Variants in GPX1 observed in about 807,000 individuals in gnomAD.
The protein encoded by GPX1 is glutathione peroxidase 1.
A neutral mutation model predicts 11.5 loss-of-function variants in GPX1; 8 were observed. The ratio of observed to expected loss-of-function variants is 0.70; its 90% CI spans 0.41 to 1.25. The LOEUF is 1.25. Ranked by LOEUF, GPX1 falls within the 50% of genes most tolerant of loss-of-function variation. GPX1 has a pLI of 0.01. For missense variants in GPX1, 266 were observed against 284.3 expected, an observed-to-expected ratio of 0.94 and a Z score of 0.46; for synonymous variants, 142 against 127.8, an observed-to-expected ratio of 1.11 and a Z score of -0.75.
rs757629376 is a variant in GPX1, at chr3:49,357,338, C to G, written c.*50G>C. 4 of 1,557,998 alleles carry G rather than the reference C, an allele frequency of 2.6e-6. No individual in the cohort carries two copies. The highest frequency in any genetic ancestry group is 2.1e-4 in the Middle Eastern group (1 of 4,868). On this transcript the variant is annotated 3_prime_UTR_variant, in exon 2 of 2. Transcript: ENST00000419783. ...AACACCCTCATAGATGAAAACCCCC[C>G]CGAGACAGCAGCACTGCAACTGCCA...
At chr3:49,357,990 C>G (rs767209683) in intron 1 of GPX1, 37 bp downstream of exon 1, 5 of 1,576,538 alleles carry the variant, frequency 3.2e-6, no homozygotes, top group Non-Finnish European at 4.3e-6. Context: ...CACTACTGCA[C>G]GTCCGCCCCC....
Position 49,357,690 on chromosome 3 carries a change from CACCACCAGGCCGGACGTACTTG to C in GPX1, c.288_309del (p.Lys97GlyfsTer?). On this transcript the variant is annotated frameshift_variant, in exon 2 of 2. Transcript: ENST00000419783. LOFTEE classifies it high-confidence loss of function. ...AAGAGCATGAAGTTGGGCTCGAACC[CACCACCAGGCCGGACGTACTTG>C]AGGGAATTCAGAATCTCTTCGTTCT... The C allele has an allele frequency of 6.2e-7, 1 of 1,612,606 alleles. No homozygotes were observed. Among genetic ancestry groups the C allele is most frequent in the Non-Finnish European group, 8.5e-7 (1 of 1,179,124 alleles).
At chr3:49,357,981 A>C (rs938907601) in intron 1 of GPX1, 46 bp downstream of exon 1, 3 of 1,506,926 alleles carry the variant, frequency 2.0e-6, no homozygotes, top group Admixed American at 1.9e-5. Flanking sequence ...GCCCCCAGCC[A>C]CTACTGCACG....
chr3:49,357,374 G>A lies in GPX1; in HGVS notation c.*14C>T. On this transcript the variant is annotated 3_prime_UTR_variant, in exon 2 of 2. Coordinates refer to ENST00000419783, the MANE Select transcript of GPX1 (RefSeq NM_000581.4). ...GCACTGCAACTGCCAAGCAGCCGGG[G>A]TAGGAGGGGCGCCCTAGGCACAGCT... The A allele has an allele frequency of 5.0e-6, 8 of 1,596,734 alleles. No homozygotes were observed. Among genetic ancestry groups the A allele is most frequent in the Non-Finnish European group, 6.9e-6 (8 of 1,167,266 alleles).
In GPX1 at chr3:49,357,187, C is replaced by G. The variant is rs529928312; in HGVS notation, c.*201G>C. On this transcript the variant is annotated 3_prime_UTR_variant, in exon 2 of 2. Transcript: ENST00000419783. Reference sequence around the variant, plus strand: ...GGACATACACACAGTTCTGCTGACACCCGGCACTTTATTAGTGGGGAAACT... The same window carrying G: ...GGACATACACACAGTTCTGCTGACAGCCGGCACTTTATTAGTGGGGAAACT... 131 of 585,110 alleles carry G rather than the reference C, an allele frequency of 2.2e-4. 1 individual carries two copies. Among genetic ancestry groups the G allele is most frequent in the African/African-American group, 1.5e-3 (78 of 53,514 alleles). 36.2% of individuals were successfully genotyped at this position (585,110 alleles called of 1,614,324 possible).
Position 49,357,698 on chromosome 3 carries a change from G to A in GPX1, c.302C>T (p.Pro101Leu), listed in dbSNP as rs746367588. 6 of 1,612,122 alleles carry A rather than the reference G, an allele frequency of 3.7e-6. No individual in the cohort carries two copies. Among genetic ancestry groups the A allele is most frequent in the Non-Finnish European group, 5.1e-6 (6 of 1,178,898 alleles). ...EILNSLKYVR[P>L]GGGFEPNFML... ...GAAGTTGGGCTCGAACCCACCACCA[G>A]GCCGGACGTACTTGAGGGAATTCAG... is the stretch of plus-strand genomic sequence containing the variant. The change falls in exon 2 of 2, where the codon CCT becomes CTT. Residue 101 changes from proline to leucine, a missense_variant. Coordinates refer to ENST00000419783, the MANE Select transcript of GPX1 (RefSeq NM_000581.4).
At position 49,357,479 on chromosome 3, in the gene GPX1, A is replaced by G; in HGVS notation, c.521T>C (p.Val174Ala). The G allele has an allele frequency of 6.2e-7, 1 of 1,613,460 alleles. No individual in the cohort carries two copies. Among genetic ancestry groups the G allele is most frequent in the Non-Finnish European group, 8.5e-7 (1 of 1,179,822 alleles). ...FEKFLVGPDG[V>A]PLRRYSRRFQ... is the part of the protein sequence containing the mutation. ...GCGGCGGCTGTACCTGCGTAGGGGC[A>G]CACCGTCAGGGCCCACCAGGAACTT... Residue 174 changes from valine (V) to alanine (A), a missense_variant, in exon 2 of 2, where the codon GTG becomes GCG. Physicochemically the swap from Val to Ala is moderately conservative, Grantham distance 64. Coordinates refer to ENST00000419783, the MANE Select transcript of GPX1 (RefSeq NM_000581.4).
intron 1 of GPX1, 122 bp downstream of exon 1, chr3:49,357,905 G>T: frequency 6.6e-7 from 1 of 1,504,868 alleles, no homozygotes; most frequent in South Asian, 1.3e-5. Context: ...GCAACAGAAA[G>T]GAAACGAGAG....
At position 49,358,332 on chromosome 3, in the gene GPX1, A is replaced by C. The variant is rs1201946984; in HGVS notation, c.-54T>G. Reference sequence around the variant, plus strand: ...CGCCCCGAACAAGCACTGTAAGGGGAGGCCAGCAGGCGCCTCCTTTTAACT... The same window carrying C: ...CGCCCCGAACAAGCACTGTAAGGGGCGGCCAGCAGGCGCCTCCTTTTAACT... On this transcript the variant is annotated 5_prime_UTR_variant, in exon 1 of 2. Transcript: ENST00000419783. 6.1e-6 allele frequency: 9 copies of C among 1,471,008 alleles called. No individual in the cohort carries two copies. Among genetic ancestry groups the C allele is most frequent in the African/African-American group, 2.8e-5 (2 of 70,206 alleles). 91.1% of individuals were successfully genotyped at this position (1,471,008 alleles called of 1,614,324 possible).
At position 49,358,263 on chromosome 3, in the gene GPX1, G is replaced by A. The variant is rs1281033510; in HGVS notation, c.16C>T (p.Leu6=). The A allele has an allele frequency of 6.5e-7, 1 of 1,541,438 alleles. No individual in the cohort carries two copies. The highest frequency in any genetic ancestry group is 2.0e-5 in the Admixed American group (1 of 50,278). The change falls in exon 1 of 2, where the codon CTA becomes TTA. Residue 6 remains leucine, a synonymous_variant. Coordinates refer to ENST00000419783, the MANE Select transcript of GPX1 (RefSeq NM_000581.4). MCAAR[L]AAAAAAAQSV... ...TGGGCCGCCGCCGCCGCCGCCGCTA[G>A]CCGAGCAGCACACATGGCGCAATTG...
At position 49,357,471 on chromosome 3, in the gene GPX1, G is replaced by T; in HGVS notation, c.529C>A (p.Arg177Ser). The change falls in exon 2 of 2, where the codon CGC (arginine) becomes AGC (serine). Residue 177 changes from arginine to serine, a missense_variant. By Grantham distance (110) the Arg-to-Ser change is moderately radical. Coordinates refer to ENST00000419783, the MANE Select transcript of GPX1 (RefSeq NM_000581.4). ...GTCTGGAAGCGGCGGCTGTACCTGC[G>T]TAGGGGCACACCGTCAGGGCCCACC... ...FLVGPDGVPL[R>S]RYSRRFQTID... 1 of 1,613,202 alleles carries T rather than the reference G, an allele frequency of 6.2e-7. No individual in the cohort carries two copies. The highest frequency in any genetic ancestry group is 8.5e-7 in the Non-Finnish European group (1 of 1,179,712).
chr3:49,357,370 C>G lies in GPX1; in HGVS notation c.*18G>C. ...AGCAGCACTGCAACTGCCAAGCAGC[C>G]GGGGTAGGAGGGGCGCCCTAGGCAC... On this transcript the variant is annotated 3_prime_UTR_variant, in exon 2 of 2. Coordinates refer to ENST00000419783, the MANE Select transcript of GPX1 (RefSeq NM_000581.4). 1.9e-6 allele frequency: 3 copies of G among 1,590,608 alleles called. No homozygotes were observed. The highest frequency in any genetic ancestry group is 2.6e-6 in the Non-Finnish European group (3 of 1,163,394).
chr3:49,357,663 CGAA>C lies in GPX1; in HGVS notation c.334_336del (p.Phe112del), dbSNP rs2047865954. ...CCCGCACCGTTCACCTCGCACTTCT[CGAA>C]GAGCATGAAGTTGGGCTCGAACCCA... On this transcript the variant is annotated inframe_deletion, in exon 2 of 2. Coordinates refer to ENST00000419783, the MANE Select transcript of GPX1 (RefSeq NM_000581.4). 1 of 1,613,426 alleles carries C rather than the reference CGAA, an allele frequency of 6.2e-7. No individual in the cohort carries two copies. Among genetic ancestry groups the C allele is most frequent in the Non-Finnish European group, 8.5e-7 (1 of 1,179,918 alleles).
Position 49,358,083 on chromosome 3 carries a change from G to T in GPX1, c.196C>A (p.Leu66Ile). The change falls in exon 1 of 2, where the codon CTC (leucine) becomes ATC (isoleucine). Residue 66 changes from leucine (L) to isoleucine (I), a missense_variant. Coordinates refer to ENST00000419783, the MANE Select transcript of GPX1 (RefSeq NM_000581.4). Reference sequence around the variant, plus strand: ...AGCACCACCAGGCCCCGGGGTCCGAGGCGCCGCTGCAGCTCGTTCATCTGG... The same window carrying T: ...AGCACCACCAGGCCCCGGGGTCCGATGCGCCGCTGCAGCTCGTTCATCTGG... ...YTQMNELQRR[L>I]GPRGLVVLGF... 3 of 1,611,452 alleles carry T rather than the reference G, an allele frequency of 1.9e-6. No individual in the cohort carries two copies. The highest frequency in any genetic ancestry group is 2.5e-6 in the Non-Finnish European group (3 of 1,179,572).
Position 49,357,234 on chromosome 3 carries a change from G to GGCCA in GPX1, c.*153_*154insTGGC. On this transcript the variant is annotated 3_prime_UTR_variant, in exon 2 of 2. Transcript: ENST00000419783. ...AACTCGCCTTGGTCTGGCAGAGACTGGGATCAACAGGACCAGCACCCATCT... is the reference window on the plus strand; with the variant it reads ...AACTCGCCTTGGTCTGGCAGAGACTGGCCAGGATCAACAGGACCAGCACCCATCT... 1 of 731,026 alleles carries GGCCA rather than the reference G, an allele frequency of 1.4e-6. No individual in the cohort carries two copies. The highest frequency in any genetic ancestry group is 2.2e-6 in the Non-Finnish European group (1 of 448,100). 45.3% of individuals were successfully genotyped at this position (731,026 alleles called of 1,614,324 possible).
chr3:49,357,673 G>T lies in GPX1; in HGVS notation c.327C>A (p.Phe109Leu), dbSNP rs779984342. The change falls in exon 2 of 2, where the codon TTC becomes TTA. Residue 109 changes from phenylalanine (F) to leucine (L), a missense_variant. Coordinates refer to ENST00000419783, the MANE Select transcript of GPX1 (RefSeq NM_000581.4). The part of the protein sequence containing the change: ...VRPGGGFEPN[F>L]MLFEKCEVNG... Reference sequence around the variant, plus strand: ...TCACCTCGCACTTCTCGAAGAGCATGAAGTTGGGCTCGAACCCACCACCAG... The same window carrying T: ...TCACCTCGCACTTCTCGAAGAGCATTAAGTTGGGCTCGAACCCACCACCAG... 19 of 1,613,422 alleles carry T rather than the reference G, an allele frequency of 1.2e-5. No individual in the cohort carries two copies. Among genetic ancestry groups the T allele is most frequent in the African/African-American group, 1.1e-4 (8 of 74,914 alleles).
chr3:49,358,179 A>T lies in GPX1; in HGVS notation c.100T>A (p.Ser34Thr). The T allele has an allele frequency of 1.9e-6, 3 of 1,580,058 alleles. No homozygotes were observed. In the East Asian group the frequency reaches 6.9e-5, roughly 36 times the overall value. The change falls in exon 1 of 2, where the codon TCC becomes ACC. Residue 34 changes from serine to threonine, a missense_variant. Ser to Thr is a moderately conservative substitution (Grantham distance 58). Coordinates refer to ENST00000419783, the MANE Select transcript of GPX1 (RefSeq NM_000581.4). ...LAGGEPVSLG[S>T]LRGKVLLIEN... Reference sequence around the variant, plus strand: ...ATAAGTAGTACCTTGCCCCGCAGGGAGCCCAGGCTCACAGGCTCCCCGCCG... The same window carrying T: ...ATAAGTAGTACCTTGCCCCGCAGGGTGCCCAGGCTCACAGGCTCCCCGCCG...
chr3:49,357,896 C>A lies in GPX1; in HGVS notation c.252+131G>T, dbSNP rs536611250. 6 of 1,509,642 alleles carry A rather than the reference C, an allele frequency of 4.0e-6. No homozygotes were observed. The African/African-American group carries it at 7.0e-5, about 18-fold the overall frequency. 93.5% of individuals were successfully genotyped at this position (1,509,642 alleles called of 1,614,324 possible). ...GGAGAGGAATTTCAGCAGCTACGAGCAACAGAAAGGAAACGAGAGAGTAGC... is the reference window on the plus strand; with the variant it reads ...GGAGAGGAATTTCAGCAGCTACGAGAAACAGAAAGGAAACGAGAGAGTAGC... On this transcript the variant is annotated intron_variant, in intron 1 of 1. Transcript: ENST00000419783.
Position 49,357,432 on chromosome 3 carries a change from G to A in GPX1, c.568C>T (p.Pro190Ser), listed in dbSNP as rs777715410. The A allele has an allele frequency of 1.2e-4, 200 of 1,613,082 alleles. No individual in the cohort carries two copies. The highest frequency in any genetic ancestry group is 1.2e-3 in the Middle Eastern group (7 of 5,998). ...SRRFQTIDIE[P>S]DIEALLSQGP... ...TGAGACAGCAGGGCTTCGATGTCAGGCTCGATGTCAATGGTCTGGAAGCGG... is the reference window on the plus strand; with the variant it reads ...TGAGACAGCAGGGCTTCGATGTCAGACTCGATGTCAATGGTCTGGAAGCGG... Residue 190 changes from proline (P) to serine (S), a missense_variant, in exon 2 of 2, where the codon CCT (proline) becomes TCT (serine). Physicochemically the swap from Pro to Ser is moderately conservative, Grantham distance 74. Coordinates refer to ENST00000419783, the MANE Select transcript of GPX1 (RefSeq NM_000581.4).
Sources: gnomAD v4.1 joint callset for allele counts on GRCh38, gnomAD v4.1.1 for gene constraint, MANE v1.5 for transcripts, NCBI Gene and HGNC (gene_info 2026-07-23, HGNC 2026-07-21) for gene names.